The following NBEAL1 variants were observed in gnomAD, a reference collection of about 807,000 sequenced individuals.
The protein encoded by NBEAL1 is neurobeachin-like protein 1.
NBEAL1 carries 273 observed loss-of-function variants against 351.3 expected under a neutral mutation model. That is an observed-to-expected ratio of 0.78 (90% confidence interval 0.70 to 0.86). The LOEUF (loss-of-function observed/expected upper bound fraction) is 0.86. NBEAL1 is among the 40% of genes least tolerant of loss of function. The pLI, the probability that NBEAL1 is intolerant of heterozygous loss-of-function variation, is 0.00. For synonymous variants in NBEAL1, 1,050 were observed against 1,086.4 expected (o/e 0.97, Z 0.66); for missense variants, 2,961 against 3,201.3 (o/e 0.92, Z 1.81).
chr2:203,113,382 C>T, intron 17 of NBEAL1, 64 bp downstream of exon 17: 9 of 856,652 alleles, frequency 1.1e-5, no homozygotes, highest in South Asian at 4.6e-5. Context: ...TAAATATATT[C>T]TGAAGAATAT....
At chr2:203,170,781 T>C (rs1449723219) in intron 39 of NBEAL1, among the ~76,000 whole-genome samples, 2 of 152,218 alleles carry the variant, frequency 1.3e-5, no homozygotes, top group African/African-American at 4.8e-5. Flanking sequence ...ACTTTATTCT[T>C]TAAGTGCTGA....
chr2:203,046,074 G>T (rs2106058785), intron 3 of NBEAL1, among the ~76,000 whole-genome samples: 1 of 152,186 alleles, frequency 6.6e-6, no homozygotes, highest in South Asian at 2.1e-4. Context: ...CAGCCCTTTG[G>T]GAGGCCAAGG....
At chr2:203,192,773 G>C (rs1314306348) in intron 46 of NBEAL1, among the ~76,000 whole-genome samples, 1 of 151,954 alleles carries the variant, frequency 6.6e-6, no homozygotes, top group African/African-American at 2.4e-5. Context: ...ATTTACTTTA[G>C]ATAGAATTCT....
chr2:203,222,788 A>G lies in NBEAL1; in HGVS notation c.*5434A>G, dbSNP rs1349054216. ...CTTAGAGCCTTGAAGCTTGTAATCA[A>G]TAGAATTTTCCTAATTAAAAAGCAT... On this transcript the variant is annotated 3_prime_UTR_variant, in exon 56 of 56. Coordinates refer to ENST00000683969, the MANE Select transcript of NBEAL1 (RefSeq NM_001378026.1). Among the ~76,000 whole-genome samples, 1 of 152,224 alleles carries G rather than the reference A, an allele frequency of 6.6e-6. No individual in the cohort carries two copies. The highest frequency in any genetic ancestry group is 1.5e-5 in the Non-Finnish European group (1 of 68,026).
chr2:203,202,652 A>T (rs1319367177), intron 50 of NBEAL1, 35 bp from the exon 51 acceptor site: 1 of 1,208,282 alleles, frequency 8.3e-7, no homozygotes, highest in Non-Finnish European at 1.2e-6. Flanking sequence ...TAGCAAAACG[A>T]GGCATCTCAT....
intron 41 of NBEAL1, among the ~76,000 whole-genome samples, chr2:203,173,513 A>G (rs2064387259): frequency 6.6e-6 from 1 of 152,092 alleles, no homozygotes; most frequent in Non-Finnish European, 1.5e-5. Flanking sequence ...TTAGTTATAG[A>G]TTGATATGAA....
chr2:203,190,966 A>G, intron 46 of NBEAL1: 2 of 1,609,050 alleles, frequency 1.2e-6, no homozygotes, highest in Non-Finnish European at 8.5e-7. Context: ...AGTGAAACTG[A>G]CCATTCAGAA....
intron 4 of NBEAL1, among the ~76,000 whole-genome samples, chr2:203,052,917 T>C (rs760285208): frequency 6.6e-6 from 1 of 152,010 alleles, no homozygotes; most frequent in Non-Finnish European, 1.5e-5. Context: ...TGATAGCCCA[T>C]TTCTTTTGTC....
chr2:203,087,094 T>TC, intron 10 of NBEAL1, among the ~76,000 whole-genome samples: 1 of 143,264 alleles, frequency 7.0e-6, no homozygotes, highest in Non-Finnish European at 1.5e-5. Context: ...TTCACTCTTT[T>TC]TTTTTTTTTT....
rs2105869290 is a variant in NBEAL1, at chr2:203,223,136, C to T, written c.*5782C>T. Among the ~76,000 whole-genome samples, 1 of 152,194 alleles carries T rather than the reference C, an allele frequency of 6.6e-6. No homozygotes were observed. The highest frequency in any genetic ancestry group is 1.5e-5 in the Non-Finnish European group (1 of 67,972). ...GATCTTTGTCACACGTGAGTGATTT[C>T]TAAACACATTGCAGGATTTGGACCT... On this transcript the variant is annotated 3_prime_UTR_variant, in exon 56 of 56. Transcript: ENST00000683969.
chr2:203,155,353 C>T (rs768286788), intron 35 of NBEAL1, among the ~76,000 whole-genome samples: 2 of 152,074 alleles, frequency 1.3e-5, no homozygotes, highest in Non-Finnish European at 2.9e-5. Context: ...TTGGTCCTCA[C>T]CTTGCTTCCA....
intron 36 of NBEAL1, among the ~76,000 whole-genome samples, chr2:203,164,485 C>T (rs2064068875): frequency 6.6e-6 from 1 of 151,754 alleles, no homozygotes. Context: ...ATGTCAGACT[C>T]ATTTGTTTTA....
At chr2:203,117,291 C>T (rs1162305986) in intron 18 of NBEAL1, among the ~76,000 whole-genome samples, 21 of 151,850 alleles carry the variant, frequency 1.4e-4, no homozygotes, top group South Asian at 2.1e-4. Context: ...GGTGAAACCC[C>T]GTCTCTATAA....
At chr2:203,183,056 C>CT in intron 43 of NBEAL1, 2 of 304,844 alleles carry the variant, frequency 6.6e-6, no homozygotes, top group Non-Finnish European at 1.2e-5. Context: ...GTTTCCCCCA[C>CT]TTTTTTTGCT....
At chr2:203,111,007 G>A (rs189587539) in intron 15 of NBEAL1, among the ~76,000 whole-genome samples, 166 of 151,890 alleles carry the variant, frequency 1.1e-3, no homozygotes, top group African/African-American at 2.7e-3. Flanking sequence ...CTTGTGATCC[G>A]CCCATCTCTA....
At chr2:203,044,460 A>G (rs1290494446) in intron 3 of NBEAL1, among the ~76,000 whole-genome samples, 1 of 152,182 alleles carries the variant, frequency 6.6e-6, no homozygotes, top group South Asian at 2.1e-4. Flanking sequence ...GAAGACTTCT[A>G]AAGTTTCTAA....
chr2:203,018,272 C>CTTT (rs34841735), intron 2 of NBEAL1, among the ~76,000 whole-genome samples: 2 of 146,816 alleles, frequency 1.4e-5, no homozygotes, highest in Non-Finnish European at 3.0e-5. Context: ...ACTTTTAAGG[C>CTTT]TTTTTTTTTT....
In NBEAL1 at chr2:203,193,761, T is replaced by C. The variant is rs374043014; in HGVS notation, c.6922-34T>C. On this transcript the variant is annotated intron_variant, in intron 46 of 55. Transcript: ENST00000683969. ...CATAGTGAGAGATTAATAACATAGA[T>C]ATGGAATTGTTTTTCCTTAAAATTA... The C allele has an allele frequency of 8.7e-6, 12 of 1,380,618 alleles. No homozygotes were observed. In the African/African-American group the frequency reaches 1.4e-4, roughly 16 times the overall value. The allele number at this position is 1,380,618 out of a possible 1,614,324, so 85.5% of individuals were successfully genotyped here. A position where few individuals can be genotyped will look rare whatever the true frequency, so the allele number is the denominator to read the frequency against.
intron 10 of NBEAL1, chr2:203,085,587 A>G (rs1451760032): frequency 6.6e-6 from 1 of 152,082 alleles, no homozygotes; most frequent in East Asian, 1.9e-4. Flanking sequence ...TAACTTTTAC[A>G]CCATGTAATG....
Sources: gnomAD v4.1 joint callset for allele counts (sites outside exome capture counted in the v4.1 genomes callset) on GRCh38, gnomAD v4.1.1 for gene constraint, MANE v1.5 for transcripts, NCBI Gene and HGNC (gene_info 2026-07-23, HGNC 2026-07-21) for gene names.